Variants in CADM3 observed in about 807,000 individuals in gnomAD.
CADM3 encodes cell adhesion molecule 3.
In CADM3, 11 loss-of-function variants were observed where a neutral mutation model predicts 44.9. The observed-to-expected ratio is 0.25, with a 90% CI of 0.15 to 0.41. The LOEUF is 0.41. Ranked by LOEUF, CADM3 falls within the 10% of genes least tolerant of loss-of-function variation. The pLI is 1.00. For missense variants in CADM3, 426 were observed against 512.0 expected (o/e 0.83, Z 1.62); for synonymous variants, 207 against 205.2 (o/e 1.01, Z -0.08).
chr1:159,192,627 C>G lies in CADM3; in HGVS notation c.279C>G (p.Leu93=), dbSNP rs1489199789. The G allele has an allele frequency of 6.2e-7, 1 of 1,614,190 alleles. No homozygotes were observed. Among genetic ancestry groups the G allele is most frequent in the Admixed American group, 1.7e-5 (1 of 60,032 alleles). Residue 93 remains leucine, a synonymous_variant, in exon 3 of 9, where the codon CTC becomes CTG. Transcript: ENST00000368125. ...TGGTTACCTCTACGCCCCACGAGCT[C>G]AGCATCAGCATCAGCAATGTGGCCC... ...IQLVTSTPHE[L]SISISNVALA... is the part of the protein sequence containing the mutation.
In CADM3 at chr1:159,196,999, C is replaced by T. The variant is rs144726021; in HGVS notation, c.891C>T (p.Tyr297=). The change falls in exon 7 of 9, where the codon TAC becomes TAT. Residue 297 remains tyrosine (Y), a synonymous_variant. Transcript: ENST00000368125. ...PFLNKSDSGT[Y]GCTATSNMGS... The stretch of plus-strand genomic sequence containing the variant: ...TCAACAAGAGTGACAGTGGCACCTA[C>T]GGCTGCACAGCCACCAGCAACATGG... The T allele has an allele frequency of 1.6e-4, 258 of 1,613,986 alleles. No homozygotes were observed. Among genetic ancestry groups the T allele is most frequent in the Non-Finnish European group, 2.0e-4 (237 of 1,179,994 alleles).
chr1:159,197,001 G>A lies in CADM3; in HGVS notation c.893G>A (p.Gly298Asp). The change falls in exon 7 of 9, where the codon GGC becomes GAC. Residue 298 changes from glycine (G) to aspartate (D), a missense_variant. Transcript: ENST00000368125. ...AACAAGAGTGACAGTGGCACCTACG[G>A]CTGCACAGCCACCAGCAACATGGGC... The part of the protein sequence containing the change: ...FLNKSDSGTY[G>D]CTATSNMGSY... 6.2e-7 allele frequency: 1 copy of A among 1,614,108 alleles called. No homozygotes were observed. Among genetic ancestry groups the A allele is most frequent in the Non-Finnish European group, 8.5e-7 (1 of 1,180,032 alleles).
At chr1:159,191,607 T>A (rs912473280) in intron 1 of CADM3, among the ~76,000 whole-genome samples, 2 of 152,314 alleles carry the variant, frequency 1.3e-5, no homozygotes, top group African/African-American at 4.8e-5. Context: ...TAGAACCATA[T>A]CAGAAAAGAC....
chr1:159,172,268 A>G (rs1386437784), intron 1 of CADM3, among the ~76,000 whole-genome samples: 1 of 151,948 alleles, frequency 6.6e-6, no homozygotes, highest in Admixed American at 6.6e-5. Flanking sequence ...TGTTTCAGTC[A>G]GGGCGTGTGT....
intron 1 of CADM3, among the ~76,000 whole-genome samples, chr1:159,179,233 C>T (rs1444188465): frequency 6.6e-6 from 1 of 152,170 alleles, no homozygotes; most frequent in African/African-American, 2.4e-5. Flanking sequence ...TGGGATTCTT[C>T]AAGATTCTCT....
chr1:159,188,534 G>T (rs569320874), intron 1 of CADM3, among the ~76,000 whole-genome samples: 1 of 151,734 alleles, frequency 6.6e-6, no homozygotes, highest in South Asian at 2.1e-4. Context: ...TCTGAGTCGC[G>T]CTGGGACGAC....
Position 159,191,810 on chromosome 1 carries a change from G to A in CADM3, c.89-126G>A, listed in dbSNP as rs140826494. The A allele has an allele frequency of 7.6e-4, 822 of 1,077,598 alleles. 17 individuals are homozygous for A. In the East Asian group the frequency reaches 0.019, roughly 25 times the overall value. 66.8% of individuals were successfully genotyped at this position (1,077,598 alleles called of 1,614,324 possible). ...TTTCCTTCCCCCATGAAACCTTACGGGTACACAGAGACCTTGTGTACACAA... is the reference window on the plus strand; with the variant it reads ...TTTCCTTCCCCCATGAAACCTTACGAGTACACAGAGACCTTGTGTACACAA... On this transcript the variant is annotated intron_variant, in intron 1 of 8. Transcript: ENST00000368125.
intron 1 of CADM3, among the ~76,000 whole-genome samples, chr1:159,183,300 T>C (rs1649299731): frequency 6.6e-6 from 1 of 152,212 alleles, no homozygotes; most frequent in Admixed American, 6.5e-5. Context: ...TCTCCATTCC[T>C]ACTGACCATC....
intron 7 of CADM3, 124 bp from the exon 8 acceptor site, chr1:159,199,627 C>T: frequency 8.1e-7 from 1 of 1,241,956 alleles, no homozygotes; most frequent in Admixed American, 1.7e-5. Context: ...ATGAATGACA[C>T]TGCTCCATTT....
At chr1:159,186,098 G>T (rs566543693) in intron 1 of CADM3, among the ~76,000 whole-genome samples, 2 of 152,326 alleles carry the variant, frequency 1.3e-5, no homozygotes, top group South Asian at 4.1e-4. Flanking sequence ...GTGAAGATGG[G>T]TGAAGGGCAT....
At chr1:159,193,726 C>A (rs779081331) in intron 4 of CADM3, 144 bp from the exon 5 acceptor site, 1 of 1,416,512 alleles carries the variant, frequency 7.1e-7, no homozygotes, top group Admixed American at 1.9e-5. Context: ...CCTACATTCT[C>A]CCTGCCACAA....
chr1:159,175,470 TTTTCTCATTTG>T (rs1466080192), intron 1 of CADM3, among the ~76,000 whole-genome samples: 1 of 152,240 alleles, frequency 6.6e-6, no homozygotes, highest in Admixed American at 6.5e-5. Context: ...AGGGCAGCAG[TTTTCTCATTTG>T]TTTTTAAAAC....
chr1:159,181,682 T>C (rs561677109), intron 1 of CADM3, among the ~76,000 whole-genome samples: 11 of 152,326 alleles, frequency 7.2e-5, no homozygotes, highest in Admixed American at 2.6e-4. Flanking sequence ...ACTGCAGTTC[T>C]CCTTGCTACA....
At chr1:159,200,324 C>G (rs954921616) in intron 8 of CADM3, among the ~76,000 whole-genome samples, 5 of 152,172 alleles carry the variant, frequency 3.3e-5, no homozygotes, top group African/African-American at 4.8e-5. Flanking sequence ...CATGCCTTCT[C>G]TCTACCCTCT....
intron 6 of CADM3, 170 bp from the exon 7 acceptor site, chr1:159,196,721 G>A (rs778745968): frequency 4.9e-5 from 34 of 687,510 alleles, no homozygotes; most frequent in Non-Finnish European, 7.5e-5. Flanking sequence ...TCCCCAGAAC[G>A]AACCCCAAGA....
At chr1:159,181,917 T>G (rs914556404) in intron 1 of CADM3, among the ~76,000 whole-genome samples, 1 of 152,166 alleles carries the variant, frequency 6.6e-6, no homozygotes, top group African/African-American at 2.4e-5. Context: ...CTCCAGATTT[T>G]TTCTCTCTCC....
Position 159,182,078 on chromosome 1 carries a change from A to G in CADM3, c.89-9858A>G, listed in dbSNP as rs946010701. ...GACAGACACACACACACACACACAC[A>G]CACACACACGCACACACACATGCCA... On this transcript the variant is annotated intron_variant, in intron 1 of 8. Coordinates refer to ENST00000368125, the MANE Select transcript of CADM3 (RefSeq NM_001127173.3). Among the ~76,000 whole-genome samples, 29 of 147,404 alleles carry G rather than the reference A, an allele frequency of 2.0e-4. 1 individual carries two copies. In the Middle Eastern group the frequency reaches 0.01, roughly 53 times the overall value.
At position 159,201,185 on chromosome 1, in the gene CADM3, A is replaced by G. The variant is rs1330291197; in HGVS notation, c.*263A>G. 4.5e-6 allele frequency: 1 copy of G among 221,614 alleles called. No homozygotes were observed. The highest frequency in any genetic ancestry group is 8.9e-6 in the Non-Finnish European group (1 of 112,566). 13.7% of individuals were successfully genotyped at this position (221,614 alleles called of 1,614,324 possible). On this transcript the variant is annotated 3_prime_UTR_variant, in exon 9 of 9. Transcript: ENST00000368125. Reference sequence around the variant, plus strand: ...CATTTGGGTTATTATTATTTTTGTAACAATCCCAAATCAAATCTGTCTCCA... The same window carrying G: ...CATTTGGGTTATTATTATTTTTGTAGCAATCCCAAATCAAATCTGTCTCCA...
At chr1:159,197,222 C>T (rs576936076) in intron 7 of CADM3, 162 bp downstream of exon 7, 1 of 647,432 alleles carries the variant, frequency 1.5e-6, no homozygotes, top group South Asian at 2.0e-5. Flanking sequence ...GTCCCAGGTC[C>T]ACTCTAGAAT....
Sources: gnomAD v4.1 joint callset for allele counts (sites outside exome capture counted in the v4.1 genomes callset) on GRCh38, gnomAD v4.1.1 for gene constraint, MANE v1.5 for transcripts, NCBI Gene and HGNC (gene_info 2026-07-23, HGNC 2026-07-21) for gene names.